VWC2: variants seen among roughly 807,000 people sequenced by gnomAD.
VWC2 encodes the protein brorin.
Under a neutral mutation model 29.8 loss-of-function variants are expected in VWC2, and 14 were observed. The ratio of observed to expected loss-of-function variants is 0.47; its 90% CI spans 0.31 to 0.74. VWC2 has a LOEUF of 0.74. Ranked by LOEUF, VWC2 falls within the 30% of genes least tolerant of loss-of-function variation. The probability of loss-of-function intolerance (pLI) is 0.05; values close to 1 mark genes in which losing one functional copy is unlikely to be tolerated. For synonymous variants in VWC2, 213 were observed against 199.0 expected (o/e 1.07, Z -0.59); for missense variants, 457 against 459.8 (o/e 0.99, Z 0.05).
rs1794031783 is a variant in VWC2 at position 49,921,778 on chromosome 7, T to C, written c.*9593T>C. 1 of 152,228 alleles carries C rather than the reference T, an allele frequency of 6.6e-6. No individual in the cohort carries two copies. Among genetic ancestry groups the C allele is most frequent in the South Asian group, 2.1e-4 (1 of 4,830 alleles). 9.4% of individuals were successfully genotyped at this position (152,228 alleles called of 1,614,324 possible). A position where few individuals can be genotyped will look rare whatever the true frequency, so the allele number is the denominator to read the frequency against. On this transcript the variant is annotated 3_prime_UTR_variant, in exon 4 of 4. Transcript: ENST00000340652. ...TCCTCATGTTTACATTTAACACATA[T>C]AATTTATATCTTAGTTTTTATCCCA...
At chr7:49,778,434 T>G (rs1371114416) in intron 2 of VWC2, among the ~76,000 whole-genome samples, 5 of 152,360 alleles carry the variant, frequency 3.3e-5, no homozygotes, top group Middle Eastern at 3.4e-3. Flanking sequence ...GTTGCAAAGT[T>G]GTTACATATT....
In VWC2 at chr7:49,877,481, A is replaced by AAAAAAAAAATATACAT; in HGVS notation, c.827-34552_827-34551insAAAAAAAATATACATA. Among the ~76,000 whole-genome samples the AAAAAAAAAATATACAT allele has an allele frequency of 1.6e-4, 2 of 12,722 alleles. 1 individual carries two copies. The highest frequency in any genetic ancestry group is 5.6e-4 in the African/African-American group (2 of 3,594). 8.3% of individuals were successfully genotyped at this position (12,722 alleles called of 152,430 possible). ...CTGTCTCAAAAAAAAAAAAAAAAAAAATATATATATATATATATATATATA... is the reference window on the plus strand; with the variant it reads ...CTGTCTCAAAAAAAAAAAAAAAAAAAAAAAAAAAATATACATATATATATATATATATATATATATA... On this transcript the variant is annotated intron_variant, in intron 3 of 3. Coordinates refer to ENST00000340652, the MANE Select transcript of VWC2 (RefSeq NM_198570.5).
At chr7:49,860,674 C>A (rs182682834) in intron 3 of VWC2, among the ~76,000 whole-genome samples, 2 of 152,248 alleles carry the variant, frequency 1.3e-5, no homozygotes, top group Non-Finnish European at 2.9e-5. Context: ...GAATTATTTC[C>A]CCCAAAATTT....
chr7:49,908,031 CA>C (rs1793201227), intron 3 of VWC2, among the ~76,000 whole-genome samples: 1 of 152,188 alleles, frequency 6.6e-6, no homozygotes, highest in South Asian at 2.1e-4. Context: ...CCACAAAAGA[CA>C]GCCTTGCAGG....
intron 3 of VWC2, among the ~76,000 whole-genome samples, chr7:49,840,031 C>T (rs992983763): frequency 7.2e-5 from 11 of 152,160 alleles, no homozygotes; most frequent in Non-Finnish European, 7.3e-5. Flanking sequence ...GTGTCTATCT[C>T]GCCTCATGGA....
At chr7:49,873,576 G>A (rs983614709) in intron 3 of VWC2, among the ~76,000 whole-genome samples, 5 of 152,172 alleles carry the variant, frequency 3.3e-5, no homozygotes, top group Non-Finnish European at 7.4e-5. Flanking sequence ...CAGCTGGTGT[G>A]AGCATGAGTT....
chr7:49,775,627 C>G lies in VWC2; in HGVS notation c.192C>G (p.Arg64=). 2 of 1,530,014 alleles carry G rather than the reference C, an allele frequency of 1.3e-6. No homozygotes were observed. Among genetic ancestry groups the G allele is most frequent in the South Asian group, 1.2e-5 (1 of 82,374 alleles). The allele number at this position is 1,530,014 out of a possible 1,614,324, so 94.8% of individuals were successfully genotyped here. The change falls in exon 2 of 4, where the codon CGC becomes CGG. Residue 64 remains arginine, a synonymous_variant. Transcript: ENST00000340652. ...DGPGRVNELG[R]PARDEGGSGR... is the part of the protein sequence containing the mutation. ...CGGGGCGGGTGAACGAGCTCGGGCG[C>G]CCGGCGAGGGACGAGGGCGGCAGCG...
At position 49,834,569 on chromosome 7, in the gene VWC2, C is replaced by T. The variant is rs143160185; in HGVS notation, c.826+31729C>T. ...CAGTAGAAAATAGGGTTTCTGGTCA[C>T]GTGGCAGATGGAGCTGAGGTTCATG... On this transcript the variant is annotated intron_variant, in intron 3 of 3. Transcript: ENST00000340652. 4.3e-3 allele frequency among the ~76,000 whole-genome samples: 652 copies of T among 152,272 alleles called. 4 individuals are homozygous for T. The highest frequency in any genetic ancestry group is 0.015 in the African/African-American group (620 of 41,556).
chr7:49,892,163 G>A (rs1792167057), intron 3 of VWC2, among the ~76,000 whole-genome samples: 1 of 141,064 alleles, frequency 7.1e-6, no homozygotes. Flanking sequence ...TCCTGCCTCA[G>A]CCTCCCGAGT....
intron 3 of VWC2, among the ~76,000 whole-genome samples, chr7:49,820,986 C>A (rs962517835): frequency 4.6e-5 from 7 of 152,200 alleles, no homozygotes; most frequent in African/African-American, 1.2e-4. Context: ...GAACTACAGT[C>A]TGGAGATGAG....
intron 3 of VWC2, among the ~76,000 whole-genome samples, chr7:49,827,308 T>TATA (rs537303923): frequency 0.014 from 2,197 of 152,196 alleles, 33 homozygotes; most frequent in African/African-American, 0.036. Flanking sequence ...TTAGTATTTA[T>TATA]ATAATGCATT....
chr7:49,816,067 T>A (rs1272470123), intron 3 of VWC2, among the ~76,000 whole-genome samples: 2 of 152,118 alleles, frequency 1.3e-5, no homozygotes, highest in East Asian at 3.9e-4. Context: ...GCACAGCATA[T>A]GTCCAGAGGG....
At chr7:49,850,012 A>G (rs1299866723) in intron 3 of VWC2, among the ~76,000 whole-genome samples, 1 of 152,186 alleles carries the variant, frequency 6.6e-6, no homozygotes, top group African/African-American at 2.4e-5. Flanking sequence ...GTGCCACTGC[A>G]CAGTGCACAG....
At chr7:49,882,599 A>T (rs575745455) in intron 3 of VWC2, among the ~76,000 whole-genome samples, 1 of 152,152 alleles carries the variant, frequency 6.6e-6, no homozygotes, top group African/African-American at 2.4e-5. Flanking sequence ...AGAGACAGAG[A>T]TAGTGAGTAC....
chr7:49,879,963 TTC>T (rs1791599034), intron 3 of VWC2, among the ~76,000 whole-genome samples: 1 of 152,324 alleles, frequency 6.6e-6, no homozygotes, highest in East Asian at 1.9e-4. Context: ...AATTTCATTC[TTC>T]TCTCTGTTTT....
At chr7:49,814,082 C>T (rs1789075161) in intron 3 of VWC2, among the ~76,000 whole-genome samples, 1 of 152,146 alleles carries the variant, frequency 6.6e-6, no homozygotes, top group South Asian at 2.1e-4. Flanking sequence ...TGCTAATGTA[C>T]TTATTTTACA....
chr7:49,826,731 T>G (rs529217473), intron 3 of VWC2, among the ~76,000 whole-genome samples: 2 of 152,310 alleles, frequency 1.3e-5, no homozygotes, highest in South Asian at 4.1e-4. Flanking sequence ...TTTGGTGGTT[T>G]CATTTAAAAG....
intron 3 of VWC2, among the ~76,000 whole-genome samples, chr7:49,828,058 T>C (rs1467972794): frequency 6.6e-6 from 1 of 152,194 alleles, no homozygotes; most frequent in Non-Finnish European, 1.5e-5. Flanking sequence ...AAATACCTAC[T>C]TCCAGTTTCT....
At chr7:49,904,047 T>C (rs1295865467) in intron 3 of VWC2, among the ~76,000 whole-genome samples, 2 of 152,140 alleles carry the variant, frequency 1.3e-5, no homozygotes, top group African/African-American at 4.8e-5. Context: ...CCCTTGGTGG[T>C]TGCCATCTTA....
Sources: allele counts gnomAD v4.1 joint callset (sites outside exome capture counted in the v4.1 genomes callset), GRCh38; gene constraint gnomAD v4.1.1; transcripts MANE v1.5; gene names NCBI Gene and HGNC (gene_info 2026-07-23, HGNC 2026-07-21).